Variants in MAST4 observed in about 807,000 individuals in gnomAD.
MAST4 encodes the protein microtubule associated serine/threonine kinase family member 4, also known as microtubule-associated serine/threonine-protein kinase 4.
MAST4 carries 89 observed loss-of-function variants against 162.7 expected under a neutral mutation model. The observed-to-expected ratio is 0.55, with a 90% CI of 0.46 to 0.65. MAST4 has a LOEUF of 0.65. Among genes scored for constraint, MAST4 ranks in the 30% least tolerant of loss-of-function variants. The pLI, the probability that MAST4 is intolerant of heterozygous loss-of-function variation, is 0.00. For synonymous variants in MAST4, 1,479 were observed against 1,361.1 expected, an observed-to-expected ratio of 1.09 and a Z score of -1.91; for missense variants, 3,153 against 3,374.0, an observed-to-expected ratio of 0.93 and a Z score of 1.62.
At chr5:66,609,964 T>G (rs1449078015) in intron 1 of MAST4, among the ~76,000 whole-genome samples, 1 of 152,038 alleles carries the variant, frequency 6.6e-6, no homozygotes, top group Non-Finnish European at 1.5e-5. Flanking sequence ...CAACATAAAT[T>G]TATTGTCTCA....
rs1580660035 is a variant in MAST4 at position 66,853,298 on chromosome 5, G to A, written c.643-46653G>A. On this transcript the variant is annotated intron_variant, in intron 3 of 28. Transcript: ENST00000403625. The stretch of plus-strand genomic sequence containing the variant: ...TTTAATAGGTCCCGTGTGTGTGTCT[G>A]TGTGTAGGTCACTGAAAAATCATTT... 2.0e-5 allele frequency among the ~76,000 whole-genome samples: 3 copies of A among 152,204 alleles called. No homozygotes were observed. The East Asian group carries it at 5.8e-4, about 29-fold the overall frequency.
chr5:66,891,541 T>C (rs985124224), intron 3 of MAST4, among the ~76,000 whole-genome samples: 2 of 152,154 alleles, frequency 1.3e-5, no homozygotes, highest in African/African-American at 2.4e-5. Context: ...CCCTATAAGA[T>C]AAAGGCAGCC....
intron 1 of MAST4, among the ~76,000 whole-genome samples, chr5:66,680,692 A>G (rs1748270997): frequency 1.3e-5 from 2 of 152,236 alleles, no homozygotes; most frequent in Middle Eastern, 3.2e-3. Context: ...TGTTCTGCTC[A>G]TGCTGAAGCA....
At chr5:66,952,141 C>G (rs909918313) in intron 4 of MAST4, among the ~76,000 whole-genome samples, 5 of 152,118 alleles carry the variant, frequency 3.3e-5, no homozygotes, top group Non-Finnish European at 4.4e-5. Context: ...TGAACCCTCT[C>G]TGAGGAGAAA....
intron 3 of MAST4, among the ~76,000 whole-genome samples, chr5:66,890,060 T>A (rs1762273365): frequency 1.3e-5 from 2 of 152,224 alleles, no homozygotes; most frequent in Admixed American, 1.3e-4. Flanking sequence ...GGACTGTGCC[T>A]TCTCTAATTT....
intron 4 of MAST4, among the ~76,000 whole-genome samples, chr5:66,953,869 A>G (rs1178811564): frequency 6.6e-6 from 1 of 152,150 alleles, no homozygotes; most frequent in Non-Finnish European, 1.5e-5. Context: ...GCCTCTACTC[A>G]CTATATGCCA....
intron 1 of MAST4, among the ~76,000 whole-genome samples, chr5:66,649,938 G>A (rs933803127): frequency 6.7e-6 from 1 of 150,010 alleles, no homozygotes; most frequent in Non-Finnish European, 1.5e-5. Flanking sequence ...CTCAGTGATT[G>A]CCCATTGGCT....
intron 1 of MAST4, among the ~76,000 whole-genome samples, chr5:66,605,024 C>T (rs1350835315): frequency 6.6e-6 from 1 of 152,196 alleles, no homozygotes; most frequent in African/African-American, 2.4e-5. Context: ...GTGATGAAAT[C>T]TATTTTGTGT....
chr5:66,927,619 A>G (rs1055639701), intron 4 of MAST4, among the ~76,000 whole-genome samples: 1 of 152,158 alleles, frequency 6.6e-6, no homozygotes, highest in Non-Finnish European at 1.5e-5. Flanking sequence ...AACTTGGTGG[A>G]GACAGAGAGT....
chr5:66,631,343 A>G (rs993714927), intron 1 of MAST4, among the ~76,000 whole-genome samples: 2 of 152,208 alleles, frequency 1.3e-5, no homozygotes, highest in Non-Finnish European at 2.9e-5. Flanking sequence ...CTATACATAA[A>G]GCAGGGAATG....
In MAST4 at chr5:67,149,551, C is replaced by G; in HGVS notation, c.3257C>G (p.Ser1086Cys). ...KKKISGKVTK[S>C]LSASALSLMI... ...AAAATCTCGGGGAAAGTCACAAAGT[C>G]CCTCTCTGCCAGTGCTCTTTCCCTC... Residue 1086 changes from serine to cysteine, a missense_variant, in exon 24 of 29, where the codon TCC becomes TGC. Around this residue, in one of 7 missense-constraint regions of MAST4, gnomAD observed 619 missense variants for 744.2 expected, o/e 0.83. Coordinates refer to ENST00000403625, the MANE Select transcript of MAST4 (RefSeq NM_001164664.2). 1 of 1,613,710 alleles carries G rather than the reference C, an allele frequency of 6.2e-7. No homozygotes were observed. The highest frequency in any genetic ancestry group is 8.5e-7 in the Non-Finnish European group (1 of 1,179,830).
At chr5:66,747,026 T>C (rs983999925) in intron 1 of MAST4, among the ~76,000 whole-genome samples, 3 of 152,050 alleles carry the variant, frequency 2.0e-5, no homozygotes, top group African/African-American at 7.3e-5. Flanking sequence ...ATTAAATGCC[T>C]ACAGTGTCGT....
At chr5:66,795,126 A>C (rs566016667) in intron 3 of MAST4, among the ~76,000 whole-genome samples, 5 of 152,174 alleles carry the variant, frequency 3.3e-5, no homozygotes, top group Admixed American at 6.5e-5. Flanking sequence ...TAATTAGTTA[A>C]CTCTGAGAGA....
chr5:66,782,386 AT>A (rs758171645), intron 2 of MAST4, among the ~76,000 whole-genome samples: 10 of 152,108 alleles, frequency 6.6e-5, no homozygotes, highest in Non-Finnish European at 1.3e-4. Context: ...TAATGTATTT[AT>A]TTTAATGTAC....
At chr5:66,635,995 G>A (rs866808022) in intron 1 of MAST4, among the ~76,000 whole-genome samples, 48 of 106,016 alleles carry the variant, frequency 4.5e-4, no homozygotes, top group African/African-American at 1.6e-3. Flanking sequence ...GTCTTGCTCT[G>A]TCACCAGGCT....
At chr5:67,060,795 T>C (rs936840539) in intron 5 of MAST4, among the ~76,000 whole-genome samples, 2 of 152,144 alleles carry the variant, frequency 1.3e-5, no homozygotes, top group Non-Finnish European at 2.9e-5. Flanking sequence ...CATGAAACTT[T>C]GTAATATTCT....
chr5:66,806,997 TCTCACATCA>T (rs1756219239), intron 3 of MAST4, among the ~76,000 whole-genome samples: 1 of 152,330 alleles, frequency 6.6e-6, no homozygotes, highest in East Asian at 1.9e-4. Context: ...GGGTACCATG[TCTCACATCA>T]CTCTTATCTA....
At chr5:66,735,444 T>A (rs778190517) in intron 1 of MAST4, among the ~76,000 whole-genome samples, 1 of 152,236 alleles carries the variant, frequency 6.6e-6, no homozygotes, top group Non-Finnish European at 1.5e-5. Context: ...TCCTCTGTGA[T>A]ATTTGGTATA....
intron 4 of MAST4, among the ~76,000 whole-genome samples, chr5:67,013,062 A>C (rs943001280): frequency 1.3e-5 from 2 of 152,194 alleles, no homozygotes; most frequent in African/African-American, 4.8e-5. Flanking sequence ...GAATCCTGGG[A>C]ATTTTTACAT....
Sources: gnomAD v4.1 joint callset for allele counts (sites outside exome capture counted in the v4.1 genomes callset) on GRCh38, gnomAD v4.1.1 for gene constraint, gnomAD v4.1.1 regional missense constraint, MANE v1.5 for transcripts, NCBI Gene and HGNC (gene_info 2026-07-23, HGNC 2026-07-21) for gene names.